The following ACRBP variants were observed in gnomAD, a reference collection of about 807,000 sequenced individuals.
The protein encoded by ACRBP is acrosin binding protein, also known as acrosin-binding protein.
ACRBP carries 52 observed loss-of-function variants against 69.0 expected under a neutral mutation model. That is an observed-to-expected ratio of 0.75 (90% confidence interval 0.60 to 0.95). The LOEUF is 0.95. ACRBP is among the 40% of genes least tolerant of loss of function. The probability of loss-of-function intolerance (pLI) is 0.00; values close to 1 mark genes in which losing one functional copy is unlikely to be tolerated. For synonymous variants in ACRBP, 267 were observed against 258.9 expected, an observed-to-expected ratio of 1.03 and a Z score of -0.30; for missense variants, 604 against 673.0, an observed-to-expected ratio of 0.90 and a Z score of 1.13.
intron 9 of ACRBP, 143 bp downstream of exon 9, chr12:6,638,811 G>T: frequency 6.7e-7 from 1 of 1,500,106 alleles, no homozygotes; most frequent in Non-Finnish European, 8.9e-7. Context: ...AGAGCCTGCT[G>T]GTGGAGGCCT....
intron 3 of ACRBP, among the ~76,000 whole-genome samples, chr12:6,645,816 A>AGG (rs1949083960): frequency 6.6e-6 from 1 of 150,760 alleles, no homozygotes; most frequent in Non-Finnish European, 1.5e-5. Context: ...GCCTGCCACC[A>AGG]CGCCCAGCTA....
In ACRBP at chr12:6,640,422, C is replaced by T. The variant is rs779701829; in HGVS notation, c.1178G>A (p.Arg393Gln). ...CTTGTGGGAGGTGTCGCATTGTTGC[C>T]GCTGCAGGCTGGCCTCTGAGTGGCA... is the stretch of plus-strand genomic sequence containing the variant. Reference protein sequence around the residue: ...EQCHSEASLQRQQCDTSHKTP... With the variant: ...EQCHSEASLQQQQCDTSHKTP... Residue 393 changes from arginine (R) to glutamine (Q), a missense_variant, in exon 7 of 10, where the codon CGG (arginine) becomes CAG (glutamine). Arg to Gln is a conservative substitution (Grantham distance 43). Around this residue, in one of 3 missense-constraint regions of ACRBP, gnomAD observed 532 missense variants for 562.9 expected, o/e 0.95. Transcript: ENST00000229243. This position sits in a 1 kb window ranked among gnomAD's most constrained non-coding sequence, Gnocchi z 5.3. 1.1e-5 allele frequency: 18 copies of T among 1,614,028 alleles called. No individual in the cohort carries two copies. Among genetic ancestry groups the T allele is most frequent in the Admixed American group, 3.3e-5 (2 of 59,998 alleles).
At position 6,640,142 on chromosome 12, in the gene ACRBP, G is replaced by A. The variant is rs1330734716; in HGVS notation, c.1343C>T (p.Thr448Met). 1.9e-6 allele frequency: 3 copies of A among 1,614,184 alleles called. No homozygotes were observed. The highest frequency in any genetic ancestry group is 1.1e-5 in the South Asian group (1 of 91,080). Residue 448 changes from threonine (T) to methionine (M), a missense_variant, in exon 8 of 10, where the codon ACG (threonine) becomes ATG (methionine). Around this residue, in one of 3 missense-constraint regions of ACRBP, gnomAD observed 532 missense variants for 562.9 expected, o/e 0.95. Transcript: ENST00000229243. This position sits in a 1 kb window ranked among gnomAD's most constrained non-coding sequence, Gnocchi z 5.3. Reference protein sequence around the residue: ...HMDFWCARLATKGCEDVRVSG... With the variant: ...HMDFWCARLAMKGCEDVRVSG... ...GACTCGGACATCTTCACAGCCTTTC[G>A]TGGCAAGCCGGGCACACCAGAAGTC...
Position 6,640,015 on chromosome 12 carries a change from G to A in ACRBP, c.1425+45C>T, listed in dbSNP as rs1949039672. On this transcript the variant is annotated intron_variant, in intron 8 of 9. Transcript: ENST00000229243. This position sits in a 1 kb window ranked among gnomAD's most constrained non-coding sequence, Gnocchi z 5.3. ...TCACAGCAAGTAACTGGAAGGAATG[G>A]GGTGAGGGTAGGGATGGGGCTGAGC... 1 of 1,604,686 alleles carries A rather than the reference G, an allele frequency of 6.2e-7. No individual in the cohort carries two copies. Among genetic ancestry groups the A allele is most frequent in the East Asian group, 2.2e-5 (1 of 44,738 alleles).
chr12:6,639,071 TCAGAAGCCTCACCAGG>T (rs1565391177), intron 8 of ACRBP, 34 bp from the exon 9 acceptor site: 2 of 1,581,146 alleles, frequency 1.3e-6, no homozygotes, highest in Admixed American at 1.7e-5. Flanking sequence ...GAAGAGGGTA[TCAGAAGCCTCACCAGG>T]CAGCAGCACT....
chr12:6,638,341 C>G lies in ACRBP; in HGVS notation c.1573G>C (p.Asp525His). The G allele has an allele frequency of 1.2e-6, 2 of 1,614,128 alleles. No individual in the cohort carries two copies. The highest frequency in any genetic ancestry group is 2.2e-5 in the South Asian group (2 of 91,080). ...YSALSPGKSEDVVLRWSQEFS... is the reference protein window; with the variant it reads ...YSALSPGKSEHVVLRWSQEFS... ...TCCTGGCTCCATCGAAGCACAACGTCCTCACTTTTGCCAGGGCTCAGCGCA... is the reference window on the plus strand; with the variant it reads ...TCCTGGCTCCATCGAAGCACAACGTGCTCACTTTTGCCAGGGCTCAGCGCA... Residue 525 changes from aspartate (D) to histidine (H), a missense_variant, in exon 10 of 10, where the codon GAC becomes CAC. Asp to His is a moderately conservative substitution (Grantham distance 81, BLOSUM62 -1). Around this residue, in one of 3 missense-constraint regions of ACRBP, gnomAD observed 51 missense variants for 60.1 expected, o/e 0.85. Coordinates refer to ENST00000229243, the MANE Select transcript of ACRBP (RefSeq NM_032489.3).
Position 6,640,640 on chromosome 12 carries a change from C to T in ACRBP, c.1078-118G>A. 2 of 1,181,454 alleles carry T rather than the reference C, an allele frequency of 1.7e-6. No homozygotes were observed. The highest frequency in any genetic ancestry group is 2.3e-6 in the Non-Finnish European group (2 of 855,870). 73.2% of individuals were successfully genotyped at this position (1,181,454 alleles called of 1,614,324 possible). Reference sequence around the variant, plus strand: ...CTTTGCATTTAGCCTCTTCCAAAAGCTTCTCTGGGTTTTCTACTTGGCCTC... The same window carrying T: ...CTTTGCATTTAGCCTCTTCCAAAAGTTTCTCTGGGTTTTCTACTTGGCCTC... On this transcript the variant is annotated intron_variant, in intron 6 of 9. Coordinates refer to ENST00000229243, the MANE Select transcript of ACRBP (RefSeq NM_032489.3). This position sits in a 1 kb window ranked among gnomAD's most constrained non-coding sequence, Gnocchi z 5.3.
Position 6,640,403 on chromosome 12 carries a change from G to A in ACRBP, c.1197C>T (p.Ser399=). The change falls in exon 7 of 10, where the codon TCC becomes TCT. Residue 399 remains serine (S), a synonymous_variant. Coordinates refer to ENST00000229243, the MANE Select transcript of ACRBP (RefSeq NM_032489.3). The surrounding 1 kb of genome is among the most constrained non-coding windows in gnomAD (Gnocchi z 5.3). ...ASLQRQQCDT[S]HKTPFVSPLL... Reference sequence around the variant, plus strand: ...AGGGGCTGACAAAGGGAGTCTTGTGGGAGGTGTCGCATTGTTGCCGCTGCA... The same window carrying A: ...AGGGGCTGACAAAGGGAGTCTTGTGAGAGGTGTCGCATTGTTGCCGCTGCA... 6.2e-7 allele frequency: 1 copy of A among 1,614,178 alleles called. No individual in the cohort carries two copies. The highest frequency in any genetic ancestry group is 1.7e-5 in the Admixed American group (1 of 60,016).
intron 3 of ACRBP, among the ~76,000 whole-genome samples, chr12:6,645,542 C>G (rs1374220610): frequency 6.6e-6 from 1 of 152,138 alleles, no homozygotes; most frequent in Admixed American, 6.5e-5. Flanking sequence ...ACATCCCTGC[C>G]GTCACTTTTG....
intron 3 of ACRBP, 57 bp from the exon 4 acceptor site, chr12:6,645,394 A>G (rs1242554357): frequency 3.7e-6 from 5 of 1,368,386 alleles, no homozygotes; most frequent in African/African-American, 1.4e-5. Flanking sequence ...CTTCTGCTCC[A>G]GCTGGTTCTT....
Position 6,643,548 on chromosome 12 carries a change from G to A in ACRBP, c.1068C>T (p.Phe356=), listed in dbSNP as rs912506881. The change falls in exon 6 of 10, where the codon TTC becomes TTT. Residue 356 remains phenylalanine, a synonymous_variant. Coordinates refer to ENST00000229243, the MANE Select transcript of ACRBP (RefSeq NM_032489.3). Reference sequence around the variant, plus strand: ...AGTATGGCTGGCATACCGACTTCCCGAAACCAAGGATCTCCTCCTCCATGT... The same window carrying A: ...AGTATGGCTGGCATACCGACTTCCCAAAACCAAGGATCTCCTCCTCCATGT... ...WKYMEEEILG[F]GKSVCDSLGR... The A allele has an allele frequency of 1.4e-5, 22 of 1,614,048 alleles. No individual in the cohort carries two copies. Among genetic ancestry groups the A allele is most frequent in the African/African-American group, 5.3e-5 (4 of 74,942 alleles).
chr12:6,638,711 G>T, intron 9 of ACRBP: 2 of 1,427,838 alleles, frequency 1.4e-6, no homozygotes, highest in Middle Eastern at 2.6e-4. Flanking sequence ...CCAGCCAAGG[G>T]TTCTTCCTGT....
At position 6,645,224 on chromosome 12, in the gene ACRBP, G is replaced by C. The variant is rs774916783; in HGVS notation, c.471C>G (p.Phe157Leu). The C allele has an allele frequency of 2.5e-6, 4 of 1,610,272 alleles. No homozygotes were observed. The highest frequency in any genetic ancestry group is 3.4e-6 in the Non-Finnish European group (4 of 1,176,838). ...TTMTSPISPHFTVTERQTFQP... is the reference protein window; with the variant it reads ...TTMTSPISPHLTVTERQTFQP... ...CGGCTGCTGAGAGGGTCTCACCTGTGAAGTGGGGTGAGATGGGGGAGGTCA... is the reference window on the plus strand; with the variant it reads ...CGGCTGCTGAGAGGGTCTCACCTGTCAAGTGGGGTGAGATGGGGGAGGTCA... Residue 157 changes from phenylalanine to leucine, a missense_variant, in exon 4 of 10, where the codon TTC becomes TTG. By Grantham distance (22) the Phe-to-Leu change is conservative (BLOSUM62 0). This residue lies in a region of ACRBP where 532 missense variants were observed against 562.9 expected (regional missense o/e 0.95). Transcript: ENST00000229243.
At chr12:6,644,057 A>C (rs1158468605) in intron 5 of ACRBP, 80 bp downstream of exon 5, 1 of 1,517,626 alleles carries the variant, frequency 6.6e-7, no homozygotes, top group Non-Finnish European at 8.8e-7. Context: ...TGGAGGCTGA[A>C]GCTAGGAAAA....
chr12:6,647,058 C>T (rs761027894), intron 1 of ACRBP, 46 bp from the exon 2 acceptor site: 28 of 1,557,092 alleles, frequency 1.8e-5, no homozygotes, highest in Non-Finnish European at 2.4e-5. Context: ...ACCCCAAAAC[C>T]CGCTCCGAGA....
chr12:6,638,485 CA>C (rs1293490815), intron 9 of ACRBP, 81 bp from the exon 10 acceptor site: 3 of 1,584,752 alleles, frequency 1.9e-6, no homozygotes, highest in African/African-American at 1.3e-5. Flanking sequence ...GTCAGAAGCC[CA>C]AAAGAACGAG....
At chr12:6,642,601 C>G (rs1322782636) in intron 6 of ACRBP, among the ~76,000 whole-genome samples, 1 of 152,122 alleles carries the variant, frequency 6.6e-6, no homozygotes, top group Non-Finnish European at 1.5e-5. Flanking sequence ...TGTCTGTCAC[C>G]ATCCCAATTT....
chr12:6,646,702 C>A lies in ACRBP; in HGVS notation c.262+92G>T. ...CTCATGGTGTGGTGCCAGCCATGCC[C>A]TTCCCCGCCTCACATGAGCACAGGG... is the stretch of plus-strand genomic sequence containing the variant. On this transcript the variant is annotated intron_variant, in intron 2 of 9. Coordinates refer to ENST00000229243, the MANE Select transcript of ACRBP (RefSeq NM_032489.3). 3.9e-6 allele frequency: 6 copies of A among 1,543,012 alleles called. No homozygotes were observed. The East Asian group carries it at 1.1e-4, about 29-fold the overall frequency.
rs1949043214 is a variant in ACRBP at position 6,640,283 on chromosome 12, A to G, written c.1258-56T>C. 1.3e-6 allele frequency: 2 copies of G among 1,529,820 alleles called. No homozygotes were observed. Among genetic ancestry groups the G allele is most frequent in the African/African-American group, 2.8e-5 (2 of 72,530 alleles). 94.8% of individuals were successfully genotyped at this position (1,529,820 alleles called of 1,614,324 possible). A position where few individuals can be genotyped will look rare whatever the true frequency, so the allele number is the denominator to read the frequency against. On this transcript the variant is annotated intron_variant, in intron 7 of 9. Coordinates refer to ENST00000229243, the MANE Select transcript of ACRBP (RefSeq NM_032489.3). This position sits in a 1 kb window ranked among gnomAD's most constrained non-coding sequence, Gnocchi z 5.3. The stretch of plus-strand genomic sequence containing the variant: ...TGCCCCTCCCCACCTGCTGGCCACC[A>G]CCACCCCACCCCTGCCACCCAGTTC...
Sources: allele counts gnomAD v4.1 joint callset (sites outside exome capture counted in the v4.1 genomes callset), GRCh38; gene constraint gnomAD v4.1.1; regional missense constraint gnomAD v4.1.1; non-coding constraint Gnocchi (gnomAD v3.1); transcripts MANE v1.5; gene names NCBI Gene and HGNC (gene_info 2026-07-23, HGNC 2026-07-21).